DYSF: variants seen among roughly 807,000 people sequenced by gnomAD.
DYSF encodes dystrophy-associated fer-1-like 1.
A neutral mutation model predicts 274.9 loss-of-function variants in DYSF; 212 were observed. That is an observed-to-expected ratio of 0.77 (90% CI 0.69 to 0.86). The LOEUF is 0.86. DYSF is among the 40% of genes least tolerant of loss of function. The pLI is 0.00. For missense variants in DYSF, 2,666 were observed against 2,783.2 expected (o/e 0.96, Z 0.95); for synonymous variants, 1,091 against 1,078.7 (o/e 1.01, Z -0.22).
intron 42 of DYSF, among the ~76,000 whole-genome samples, chr2:71,648,672 A>G (rs1558721460): frequency 6.6e-6 from 1 of 152,242 alleles, no homozygotes; most frequent in Admixed American, 6.5e-5. Flanking sequence ...AATCTGAGAC[A>G]TATTCTAATA....
Position 71,553,141 on chromosome 2 carries a change from G to T in DYSF, c.1937G>T (p.Cys646Phe). The change falls in exon 20 of 56, where the codon TGC becomes TTC. Residue 646 changes from cysteine (C) to phenylalanine (F), a missense_variant. Coordinates refer to ENST00000410020, the MANE Select transcript of DYSF (RefSeq NM_001130987.2). The part of the protein sequence containing the change: ...GNYGNKFDMT[C>F]LPLASTTQYS... ...TACGGGAACAAGTTCGACATGACCTGCCTGCCGCTGGCCTCCACCACTCAG... is the reference window on the plus strand; with the variant it reads ...TACGGGAACAAGTTCGACATGACCTTCCTGCCGCTGGCCTCCACCACTCAG... 6.2e-7 allele frequency: 1 copy of T among 1,614,066 alleles called. No individual in the cohort carries two copies. The highest frequency in any genetic ancestry group is 8.5e-7 in the Non-Finnish European group (1 of 1,180,028).
chr2:71,600,956 AT>A, intron 34 of DYSF, 114 bp downstream of exon 34: 1 of 1,436,160 alleles, frequency 7.0e-7, no homozygotes, highest in South Asian at 1.2e-5. Flanking sequence ...GCTGAGACCC[AT>A]TTTCTGAACC....
chr2:71,466,595 C>G (rs2081548273), upstream of DYSF: 10 of 1,208,466 alleles, frequency 8.3e-6, no homozygotes, highest in Non-Finnish European at 9.3e-6. Context: ...CCCTGTCCCT[C>G]CCCGCCCGCC....
intron 4 of DYSF, among the ~76,000 whole-genome samples, chr2:71,505,333 T>A (rs1430390715): frequency 1.3e-5 from 2 of 152,196 alleles, no homozygotes; most frequent in Non-Finnish European, 2.9e-5. Flanking sequence ...CGCTGGCCGC[T>A]CACTGAGACC....
chr2:71,570,330 G>A lies in DYSF; in HGVS notation c.3081G>A (p.Glu1027=). ...WSTDLNRAVD[E]QGWEYSITIP... The stretch of plus-strand genomic sequence containing the variant: ...CAGACCTCAACCGGGCTGTCGATGA[G>A]CAAGGTGGGCAGCATGTGGAACCTG... The change falls in exon 28 of 56, where the codon GAG becomes GAA. Residue 1027 remains glutamate (E), a synonymous_variant. Transcript: ENST00000410020. The A allele has an allele frequency of 6.2e-7, 1 of 1,614,046 alleles. No individual in the cohort carries two copies. Among genetic ancestry groups the A allele is most frequent in the Non-Finnish European group, 8.5e-7 (1 of 1,179,962 alleles).
At chr2:71,541,987 G>GC (rs1461490044) in intron 17 of DYSF, among the ~76,000 whole-genome samples, 1 of 152,172 alleles carries the variant, frequency 6.6e-6, no homozygotes, top group Non-Finnish European at 1.5e-5. Context: ...GTTGAGGATT[G>GC]TTTTTTAAAA....
At chr2:71,665,789 C>A (rs536107406) in intron 47 of DYSF, among the ~76,000 whole-genome samples, 1 of 152,338 alleles carries the variant, frequency 6.6e-6, no homozygotes, top group East Asian at 1.9e-4. Context: ...CCAAGGCAGG[C>A]AGGCCTTGTA....
chr2:71,519,514 A>G (rs1401692760), intron 10 of DYSF, among the ~76,000 whole-genome samples: 4 of 152,068 alleles, frequency 2.6e-5, no homozygotes, highest in African/African-American at 9.7e-5. Context: ...AGCCTTCCCC[A>G]CTATCATCAT....
chr2:71,542,056 G>T (rs539928396), intron 17 of DYSF, among the ~76,000 whole-genome samples: 1 of 152,198 alleles, frequency 6.6e-6, no homozygotes, highest in Non-Finnish European at 1.5e-5. Context: ...GAGAGCTCTA[G>T]CTCTCCAGCC....
chr2:71,679,291 A>C (rs1315362496), intron 53 of DYSF, 56 bp downstream of exon 53: 1 of 1,552,032 alleles, frequency 6.4e-7, no homozygotes, highest in Non-Finnish European at 8.8e-7. Context: ...TCTTCCATAG[A>C]AATTGTCAGA....
intron 32 of DYSF, among the ~76,000 whole-genome samples, chr2:71,597,904 C>T (rs570379211): frequency 6.6e-6 from 1 of 151,984 alleles, no homozygotes; most frequent in African/African-American, 2.4e-5. Flanking sequence ...AGACCTCATG[C>T]TCCCTCCAGT....
intron 41 of DYSF, among the ~76,000 whole-genome samples, chr2:71,625,485 G>A (rs1029043147): frequency 1.3e-5 from 2 of 152,104 alleles, no homozygotes; most frequent in Non-Finnish European, 1.5e-5. Flanking sequence ...TTCCATATAA[G>A]TGTGGGCTAT....
intron 3 of DYSF, among the ~76,000 whole-genome samples, chr2:71,493,058 T>C (rs1019199266): frequency 8.6e-6 from 1 of 116,296 alleles, no homozygotes; most frequent in African/African-American, 2.7e-5. Flanking sequence ...ATTTAATATA[T>C]ATATTTTTTT....
chr2:71,469,859 G>A (rs145598122), intron 1 of DYSF, among the ~76,000 whole-genome samples: 1 of 152,242 alleles, frequency 6.6e-6, no homozygotes, highest in African/African-American at 2.4e-5. Context: ...GCATTTAATT[G>A]TCTGTACTTC....
At chr2:71,493,744 C>A (rs923241165) in intron 3 of DYSF, among the ~76,000 whole-genome samples, 1 of 146,358 alleles carries the variant, frequency 6.8e-6, no homozygotes, top group African/African-American at 2.5e-5. Flanking sequence ...CCCAGCTACC[C>A]GGGAGGCTGA....
intron 1 of DYSF, among the ~76,000 whole-genome samples, chr2:71,470,778 T>TTCCTTCCTTCCG (rs1553502891): frequency 2.1e-5 from 3 of 140,088 alleles, no homozygotes; most frequent in Non-Finnish European, 4.6e-5. Flanking sequence ...CCTTCCTTCC[T>TTCCTTCCTTCCG]TCCTTCATTC....
chr2:71,471,391 A>G (rs561044991), intron 1 of DYSF, among the ~76,000 whole-genome samples: 54 of 152,282 alleles, frequency 3.5e-4, no homozygotes, highest in Non-Finnish European at 6.6e-4. Flanking sequence ...GGTTGTTGCC[A>G]CAGGGGTTGG....
At chr2:71,540,914 TC>T (rs2089870876) in intron 17 of DYSF, among the ~76,000 whole-genome samples, 2 of 152,304 alleles carry the variant, frequency 1.3e-5, no homozygotes, top group South Asian at 4.1e-4. Flanking sequence ...AATCTGTTAG[TC>T]TTTTCCTTAG....
intron 12 of DYSF, among the ~76,000 whole-genome samples, chr2:71,525,756 A>G (rs1354787470): frequency 1.3e-5 from 2 of 152,238 alleles, no homozygotes; most frequent in African/African-American, 2.4e-5. Flanking sequence ...TCATCCCCTT[A>G]TTCATTGCCA....
Sources: allele counts gnomAD v4.1 joint callset (sites outside exome capture counted in the v4.1 genomes callset), GRCh38; gene constraint gnomAD v4.1.1; transcripts MANE v1.5; gene names NCBI Gene and HGNC (gene_info 2026-07-23, HGNC 2026-07-21).